The following CHRD variants were observed in gnomAD, a reference collection of about 807,000 sequenced individuals.
CHRD encodes the protein chordin.
Under a neutral mutation model 113.7 loss-of-function variants are expected in CHRD, and 69 were observed. That is an observed-to-expected ratio of 0.61 (90% CI 0.50 to 0.74). The LOEUF (loss-of-function observed/expected upper bound fraction) is 0.74. Ranked by LOEUF, CHRD falls within the 30% of genes least tolerant of loss-of-function variation. The pLI is 0.00. For synonymous variants in CHRD, 561 were observed against 540.8 expected (o/e 1.04, Z -0.52); for missense variants, 1,194 against 1,295.8 (o/e 0.92, Z 1.21).
In CHRD at chr3:184,386,031, C is replaced by T. The variant is rs2108655152; in HGVS notation, c.1819-15C>T. 1 of 1,613,918 alleles carries T rather than the reference C, an allele frequency of 6.2e-7. No individual in the cohort carries two copies. The highest frequency in any genetic ancestry group is 8.5e-7 in the Non-Finnish European group (1 of 1,179,822). On this transcript the variant is annotated splice_polypyrimidine_tract_variant and intron_variant, in intron 14 of 22. Coordinates refer to ENST00000204604, the Ensembl canonical transcript of CHRD. ...AAAGTGCCTTATTCCTATCCATTGT[C>T]CTGTCTATGTGCAGGCCCAGGGTGT...
chr3:184,387,031 C>T lies in CHRD; in HGVS notation c.2291-20C>T. The T allele has an allele frequency of 6.2e-7, 1 of 1,614,104 alleles. No individual in the cohort carries two copies. The highest frequency in any genetic ancestry group is 8.5e-7 in the Non-Finnish European group (1 of 1,179,978). ...TGAGGGTGGTCACTCTCTGCTTTCA[C>T]CATTTCTTTGGCTCCACAGAGAAAC... On this transcript the variant is annotated intron_variant, in intron 17 of 22. Transcript: ENST00000204604. This position sits in a 1 kb window ranked among gnomAD's most constrained non-coding sequence, Gnocchi z 6.1.
chr3:184,382,194 A>G (rs1715546615), intron 6 of CHRD, 174 bp downstream of exon 6: 1 of 1,209,104 alleles, frequency 8.3e-7, no homozygotes, highest in Non-Finnish European at 1.2e-6. Context: ...TGATTTGTTC[A>G]AGGTCACACA....
Position 184,381,486 on chromosome 3 carries a change from C to T in CHRD, c.383-10C>T, listed in dbSNP as rs202122376. 7.6e-6 allele frequency: 12 copies of T among 1,587,164 alleles called. No homozygotes were observed. In the Admixed American group the frequency reaches 8.7e-5, roughly 12 times the overall value. On this transcript the variant is annotated splice_polypyrimidine_tract_variant and intron_variant, in intron 3 of 22. Coordinates refer to ENST00000204604, the Ensembl canonical transcript of CHRD. The surrounding 1 kb of genome is among the most constrained non-coding windows in gnomAD (Gnocchi z 4.7). ...AGCTGAAGCCCGTGTTCTTACCCCC[C>T]CGCCCGCAGAGCGCAGCAGTTCGGA...
rs747401433 is a variant in CHRD at position 184,386,587 on chromosome 3, T to C, written c.2028T>C (p.Ser676=). The C allele has an allele frequency of 3.8e-6, 6 of 1,594,416 alleles. No homozygotes were observed. In the African/African-American group the frequency reaches 8.1e-5, roughly 21 times the overall value. Residue 676 remains serine, a synonymous_variant, in exon 16 of 23, where the codon TCT becomes TCC. Transcript: ENST00000204604. ...CGCTGGGGGCTCCGGATACAGCCTC[T>C]GCTGCGCCGCCTGTGGTGCCTGGTC... is the stretch of plus-strand genomic sequence containing the variant.
intron 14 of CHRD, among the ~76,000 whole-genome samples, chr3:184,385,666 C>CAAAA (rs533681477): frequency 7.6e-5 from 3 of 39,348 alleles, no homozygotes; most frequent in African/African-American, 2.0e-4. Flanking sequence ...AAATCCGTCT[C>CAAAA]AAAAAAAAAA....
chr3:184,385,431 G>A (rs1278191735), intron 14 of CHRD, among the ~76,000 whole-genome samples, 193 bp downstream of exon 14: 1 of 152,086 alleles, frequency 6.6e-6, no homozygotes, highest in Non-Finnish European at 1.5e-5. Flanking sequence ...ACTTTGGGAG[G>A]CCAGGTGGGT....
chr3:184,381,531 T>C lies in CHRD; in HGVS notation c.418T>C (p.Ser140Pro), dbSNP rs750912862. ...TTCGGAGCGGCAGCCGAGCGGCCTG[T>C]CCTTCGAGTATCCGCGGGACCCGGA... Residue 140 changes from serine (S) to proline (P), a missense_variant, in exon 4 of 23, where the codon TCC (serine) becomes CCC (proline). Coordinates refer to ENST00000204604, the Ensembl canonical transcript of CHRD. The surrounding 1 kb of genome is among the most constrained non-coding windows in gnomAD (Gnocchi z 4.7). 6.2e-7 allele frequency: 1 copy of C among 1,606,448 alleles called. No individual in the cohort carries two copies. The highest frequency in any genetic ancestry group is 8.5e-7 in the Non-Finnish European group (1 of 1,177,116).
At position 184,382,533 on chromosome 3, in the gene CHRD, A is replaced by G; in HGVS notation, c.841+3A>G. 6 of 1,613,752 alleles carry G rather than the reference A, an allele frequency of 3.7e-6. No homozygotes were observed. The highest frequency in any genetic ancestry group is 5.1e-6 in the Non-Finnish European group (6 of 1,179,964). ...CCGGCACCGGGCCCTGGCTGCAGGT[A>G]GGGAGCAAAGAGCCCCGGGCGTGAA... On this transcript the variant is annotated splice_donor_region_variant and intron_variant, in intron 7 of 22. Coordinates refer to ENST00000204604, the Ensembl canonical transcript of CHRD.
At chr3:184,382,823 G>T in intron 8 of CHRD, 33 bp from the exon 9 acceptor site, 1 of 1,612,542 alleles carries the variant, frequency 6.2e-7, no homozygotes. Context: ...GAGAGCACCT[G>T]TCTCAGAAAG....
chr3:184,387,509 A>C lies in CHRD; in HGVS notation c.2451+32A>C, dbSNP rs1224531177. 1.9e-6 allele frequency: 3 copies of C among 1,565,314 alleles called. No individual in the cohort carries two copies. The highest frequency in any genetic ancestry group is 2.6e-6 in the Non-Finnish European group (3 of 1,154,566). ...CCACCCAATCTTCTCTGGTGCCATA[A>C]CCCAGCGGGGTCTGCAGAGATGGGG... On this transcript the variant is annotated intron_variant, in intron 19 of 22. Coordinates refer to ENST00000204604, the Ensembl canonical transcript of CHRD. The surrounding 1 kb of genome is among the most constrained non-coding windows in gnomAD (Gnocchi z 6.1).
intron 15 of CHRD, 119 bp downstream of exon 15, chr3:184,386,278 G>GC (rs548925859): frequency 2.0e-4 from 247 of 1,237,774 alleles, no homozygotes; most frequent in African/African-American, 1.4e-3. Flanking sequence ...GTATCACAGC[G>GC]CCCCCCCGGC....
exon 16 of CHRD, chr3:184,386,502 C>T (rs1716305686): frequency 3.2e-6 from 5 of 1,539,186 alleles, no homozygotes; most frequent in Non-Finnish European, 4.4e-6. Context: ...GTGCACATAG[C>T]CAACCAATGT....
Position 184,380,562 on chromosome 3 carries a change from C to G in CHRD, c.148+96C>G. The G allele has an allele frequency of 9.7e-7, 1 of 1,027,884 alleles. No individual in the cohort carries two copies. Among genetic ancestry groups the G allele is most frequent in the South Asian group, 4.7e-5 (1 of 21,442 alleles). 63.7% of individuals were successfully genotyped at this position (1,027,884 alleles called of 1,614,324 possible). On this transcript the variant is annotated intron_variant, in intron 1 of 22. Transcript: ENST00000204604. The surrounding 1 kb of genome is among the most constrained non-coding windows in gnomAD (Gnocchi z 6.3). Reference sequence around the variant, plus strand: ...GGCGCGGGGCGCAGGTGGCTCGGCGCGGCGGGCGGCCCGGAGGGTGGGCGG... The same window carrying G: ...GGCGCGGGGCGCAGGTGGCTCGGCGGGGCGGGCGGCCCGGAGGGTGGGCGG...
Position 184,381,113 on chromosome 3 carries a change from T to A in CHRD, c.253-122T>A, listed in dbSNP as rs1715300879. 3.5e-6 allele frequency: 4 copies of A among 1,136,182 alleles called. No individual in the cohort carries two copies. The highest frequency in any genetic ancestry group is 1.5e-5 in the African/African-American group (1 of 65,866). The allele number at this position is 1,136,182 out of a possible 1,614,324, so 70.4% of individuals were successfully genotyped here. A position where few individuals can be genotyped will look rare whatever the true frequency, so the allele number is the denominator to read the frequency against. On this transcript the variant is annotated intron_variant, in intron 2 of 22. Coordinates refer to ENST00000204604, the Ensembl canonical transcript of CHRD. The surrounding 1 kb of genome is among the most constrained non-coding windows in gnomAD (Gnocchi z 4.7). ...AGGCCCAGAGAGATGAAGTAGCTTGTCTAGGGTCACGCAGCTTGTAAGTGG... is the reference window on the plus strand; with the variant it reads ...AGGCCCAGAGAGATGAAGTAGCTTGACTAGGGTCACGCAGCTTGTAAGTGG...
chr3:184,386,496 A>T (rs1333456667), exon 16 of CHRD: 1 of 1,539,354 alleles, frequency 6.5e-7, no homozygotes. Context: ...TCCCAGGTGC[A>T]CATAGCCAAC....
At position 184,387,203 on chromosome 3, in the gene CHRD, G is replaced by T. The variant is rs1426634083; in HGVS notation, c.2347+96G>T. Reference sequence around the variant, plus strand: ...AGAAGGGGAGAGTATATAGGGGGTGGCCTGAGGGGCACAGATTCCAAGTGA... The same window carrying T: ...AGAAGGGGAGAGTATATAGGGGGTGTCCTGAGGGGCACAGATTCCAAGTGA... On this transcript the variant is annotated intron_variant, in intron 18 of 22. Transcript: ENST00000204604. The surrounding 1 kb of genome is among the most constrained non-coding windows in gnomAD (Gnocchi z 6.1). 2.2e-6 allele frequency: 3 copies of T among 1,338,248 alleles called. No individual in the cohort carries two copies. Among genetic ancestry groups the T allele is most frequent in the Non-Finnish European group, 2.1e-6 (2 of 939,564 alleles). The allele number at this position is 1,338,248 out of a possible 1,614,324, so 82.9% of individuals were successfully genotyped here.
At position 184,380,388 on chromosome 3, in the gene CHRD, GC is replaced by G; in HGVS notation, c.73del (p.Arg25AlafsTer44). On this transcript the variant is annotated frameshift_variant, in exon 1 of 23. Transcript: ENST00000204604. LOFTEE classifies it high-confidence loss of function. This position sits in a 1 kb window ranked among gnomAD's most constrained non-coding sequence, Gnocchi z 6.3. ...GCTGCTGCTGCTCGGCTCCCGGCCG[GC>G]CCGCGGCGCCGGCCCAGAGCCCCCC... 7.5e-7 allele frequency: 1 copy of G among 1,341,296 alleles called. No homozygotes were observed. The highest frequency in any genetic ancestry group is 1.5e-5 in the South Asian group (1 of 68,172). 83.1% of individuals were successfully genotyped at this position (1,341,296 alleles called of 1,614,324 possible).
chr3:184,387,293 G>C lies in CHRD; in HGVS notation c.2348-81G>C. 1.3e-6 allele frequency: 2 copies of C among 1,485,692 alleles called. No individual in the cohort carries two copies. Among genetic ancestry groups the C allele is most frequent in the African/African-American group, 1.4e-5 (1 of 71,888 alleles). 92.0% of individuals were successfully genotyped at this position (1,485,692 alleles called of 1,614,324 possible). On this transcript the variant is annotated intron_variant, in intron 18 of 22. Transcript: ENST00000204604. The surrounding 1 kb of genome is among the most constrained non-coding windows in gnomAD (Gnocchi z 6.1). ...GGCCCTTGGCTTAGGCTCGTGTGGG[G>C]GTGGCCTGAGGCTCAAGCCTTGGTT...
At position 184,388,724 on chromosome 3, in the gene CHRD, A is replaced by G. The variant is rs1327316128; in HGVS notation, c.2692A>G (p.Ile898Val). 6.2e-6 allele frequency: 10 copies of G among 1,613,900 alleles called. No homozygotes were observed. The highest frequency in any genetic ancestry group is 7.6e-6 in the Non-Finnish European group (9 of 1,180,034). ...GCCCCCTTTTGGAGAGATGAGCTGT[A>G]TCACCTGCAGATGTGGGGTAAGTGG... The change falls in exon 21 of 23, where the codon ATC becomes GTC. Residue 898 changes from isoleucine (I) to valine (V), a missense_variant. Physicochemically the swap from Ile to Val is conservative, Grantham distance 29 (BLOSUM62 3). Transcript: ENST00000204604. The surrounding 1 kb of genome is among the most constrained non-coding windows in gnomAD (Gnocchi z 6.1).
Sources: gnomAD v4.1 joint callset for allele counts (sites outside exome capture counted in the v4.1 genomes callset) on GRCh38, gnomAD v4.1.1 for gene constraint, Gnocchi (gnomAD v3.1) non-coding constraint, MANE v1.5 for transcripts, NCBI Gene and HGNC (gene_info 2026-07-23, HGNC 2026-07-21) for gene names.